The following ACACB variants were observed in gnomAD, a reference collection of about 807,000 sequenced individuals.
ACACB encodes the protein acetyl-CoA carboxylase beta.
Under a neutral mutation model 278.8 loss-of-function variants are expected in ACACB, and 209 were observed. The observed-to-expected ratio is 0.75, with a 90% confidence interval of 0.67 to 0.84. The LOEUF (loss-of-function observed/expected upper bound fraction) is 0.84, where lower values mean the gene tolerates loss of function less well. Among genes scored for constraint, ACACB ranks in the 40% least tolerant of loss-of-function variants. ACACB has a pLI of 0.00. For synonymous variants in ACACB, 1,174 were observed against 1,285.6 expected (o/e 0.91, Z 1.86); for missense variants, 2,850 against 3,269.0 (o/e 0.87, Z 3.13).
In ACACB at chr12:109,166,873, G is replaced by C. The variant is rs373813180; in HGVS notation, c.666G>C (p.Ser222=). The C allele has an allele frequency of 1.9e-6, 3 of 1,613,962 alleles. No homozygotes were observed. Among genetic ancestry groups the C allele is most frequent in the Non-Finnish European group, 2.5e-6 (3 of 1,180,000 alleles). Residue 222 remains serine (S), a synonymous_variant, in exon 3 of 53, where the codon TCG becomes TCC. Transcript: ENST00000338432. ...TCTTATTCTGCAGGCCGAGCATGTC[G>C]GGACTCCACCTGGTGAAGAGGGGAC... ...TRVPTMRPSM[S]GLHLVKRGRE... is the part of the protein sequence containing the mutation.
chr12:109,189,627 G>A (rs1009537063), intron 13 of ACACB, among the ~76,000 whole-genome samples: 1 of 152,158 alleles, frequency 6.6e-6, no homozygotes, highest in African/African-American at 2.4e-5. Context: ...AGGAAACTGG[G>A]ACAAGTCACT....
upstream of ACACB, among the ~76,000 whole-genome samples, chr12:109,113,709 T>C (rs950436659): frequency 6.6e-6 from 1 of 152,230 alleles, no homozygotes; most frequent in Non-Finnish European, 1.5e-5. Context: ...GCAAGTATGT[T>C]TGGTGGAGAA....
chr12:109,169,303 A>C (rs1297057470), intron 4 of ACACB, among the ~76,000 whole-genome samples: 1 of 152,128 alleles, frequency 6.6e-6, no homozygotes, highest in African/African-American at 2.4e-5. Flanking sequence ...CTTCACAGAC[A>C]TGGCCTCATT....
chr12:109,191,505 C>T, intron 13 of ACACB, 108 bp from the exon 14 acceptor site: 4 of 1,422,338 alleles, frequency 2.8e-6, no homozygotes, highest in South Asian at 1.3e-5. Flanking sequence ...TGAGCCACCA[C>T]ACCCGGCCAC....
chr12:109,166,441 G>A (rs2043896508), intron 2 of ACACB, among the ~76,000 whole-genome samples: 1 of 151,592 alleles, frequency 6.6e-6, no homozygotes, highest in Non-Finnish European at 1.5e-5. Flanking sequence ...TAATCCCAAT[G>A]CTTTGAAAGG....
At chr12:109,252,256 C>T in intron 42 of ACACB, 100 bp downstream of exon 42, 1 of 770,886 alleles carries the variant, frequency 1.3e-6, no homozygotes, top group African/African-American at 1.8e-5. Flanking sequence ...CAATATGAAG[C>T]CAGTTTCATT....
intron 18 of ACACB, 128 bp from the exon 19 acceptor site, chr12:109,201,439 C>T: frequency 8.8e-7 from 1 of 1,132,392 alleles, no homozygotes; most frequent in South Asian, 1.5e-5. Context: ...GAACACTACC[C>T]AGGGAGTCAT....
intron 24 of ACACB, among the ~76,000 whole-genome samples, chr12:109,217,704 G>A (rs2046045341): frequency 6.6e-6 from 1 of 150,926 alleles, no homozygotes; most frequent in Non-Finnish European, 1.5e-5. Context: ...GGGGGCTGAG[G>A]CAGGAGGATT....
chr12:109,131,770 G>C (rs988809907), intron 1 of ACACB, among the ~76,000 whole-genome samples: 1 of 152,172 alleles, frequency 6.6e-6, no homozygotes, highest in South Asian at 2.1e-4. Flanking sequence ...TTTCGGGTCC[G>C]CTGGGTTATT....
At chr12:109,132,425 A>G (rs2042852196) in intron 1 of ACACB, among the ~76,000 whole-genome samples, 1 of 152,144 alleles carries the variant, frequency 6.6e-6, no homozygotes, top group African/African-American at 2.4e-5. Context: ...TCAGCCTCCC[A>G]AAGTGCTGGG....
At chr12:109,120,785 C>T (rs56036810) in intron 1 of ACACB, among the ~76,000 whole-genome samples, 26,077 of 152,082 alleles carry the variant, frequency 0.17, 2,345 homozygotes, top group African/African-American at 0.21. Flanking sequence ...GGGCCCAGCC[C>T]GGGGCCCAGC....
At chr12:109,239,739 T>A in intron 34 of ACACB, 91 bp from the exon 35 acceptor site, 1 of 1,394,670 alleles carries the variant, frequency 7.2e-7, no homozygotes, top group Middle Eastern at 2.4e-4. Context: ...GTTTTCCTCC[T>A]GTCTCTGCCT....
chr12:109,136,559 T>C (rs1267886155), intron 1 of ACACB, among the ~76,000 whole-genome samples: 1 of 152,242 alleles, frequency 6.6e-6, no homozygotes, highest in Non-Finnish European at 1.5e-5. Context: ...ACATTGAAAT[T>C]AAACATATTT....
In ACACB at chr12:109,185,744, A is replaced by G. The variant is rs754714476; in HGVS notation, c.1980+4A>G. 1 of 1,606,096 alleles carries G rather than the reference A, an allele frequency of 6.2e-7. No individual in the cohort carries two copies. The highest frequency in any genetic ancestry group is 2.3e-5 in the East Asian group (1 of 44,400). ...CACCAGCGAAAACCCAGACGAGGCA[A>G]GTTATGGGGGCCCCTGTGTTTCCAC... On this transcript the variant is annotated splice_donor_region_variant and intron_variant, in intron 12 of 52. Coordinates refer to ENST00000338432, the MANE Select transcript of ACACB (RefSeq NM_001093.4).
chr12:109,139,693 C>G lies in ACACB; in HGVS notation c.288C>G (p.His96Gln). Reference protein sequence around the residue: ...GRRRNSLPPSHQKPPRNPLSS... With the variant: ...GRRRNSLPPSQQKPPRNPLSS... ...GGAGAAACTCCCTACCACCCTCCCA[C>G]CAGAAGCCCCCAAGAAACCCCCTTT... The change falls in exon 2 of 53, where the codon CAC becomes CAG. Residue 96 changes from histidine to glutamine, a missense_variant. By Grantham distance (24) the His-to-Gln change is conservative (BLOSUM62 0). This residue lies in a region of ACACB where 2,265 missense variants were observed against 2,561.3 expected (regional missense o/e 0.88). Coordinates refer to ENST00000338432, the MANE Select transcript of ACACB (RefSeq NM_001093.4). 1 of 1,614,068 alleles carries G rather than the reference C, an allele frequency of 6.2e-7. No individual in the cohort carries two copies. Among genetic ancestry groups the G allele is most frequent in the Non-Finnish European group, 8.5e-7 (1 of 1,179,976 alleles).
intron 28 of ACACB, among the ~76,000 whole-genome samples, chr12:109,232,177 G>A (rs2046492861): frequency 6.6e-6 from 1 of 152,228 alleles, no homozygotes; most frequent in South Asian, 2.1e-4. Context: ...CTGCTGGTGA[G>A]CAGCCAGTTC....
At chr12:109,249,916 G>A (rs1241154154) in intron 40 of ACACB, 68 bp from the exon 41 acceptor site, 38 of 1,537,398 alleles carry the variant, frequency 2.5e-5, no homozygotes, top group Non-Finnish European at 3.2e-5. Context: ...GTCCCTTCTT[G>A]GGAAATGCAT....
chr12:109,152,153 TG>T (rs1196517418), intron 2 of ACACB, among the ~76,000 whole-genome samples: 1 of 152,188 alleles, frequency 6.6e-6, no homozygotes, highest in Admixed American at 6.5e-5. Context: ...TAAGTAGTGT[TG>T]GGGTTTTTGC....
chr12:109,206,605 C>A (rs1410149983), intron 19 of ACACB, 105 bp from the exon 20 acceptor site: 3 of 1,390,906 alleles, frequency 2.2e-6, no homozygotes, highest in Non-Finnish European at 3.0e-6. Context: ...CTCATCCTCA[C>A]TTGATTACGG....
Sources: allele counts gnomAD v4.1 joint callset (sites outside exome capture counted in the v4.1 genomes callset), GRCh38; gene constraint gnomAD v4.1.1; regional missense constraint gnomAD v4.1.1; transcripts MANE v1.5; gene names NCBI Gene and HGNC (gene_info 2026-07-23, HGNC 2026-07-21).